The following FBXL7 variants were observed in gnomAD, a reference collection of about 807,000 sequenced individuals.
The protein encoded by FBXL7 is F-box/LRR-repeat protein 7.
Under a neutral mutation model 38.3 loss-of-function variants are expected in FBXL7, and 12 were observed. The observed-to-expected ratio is 0.31, with a 90% CI of 0.20 to 0.51. The LOEUF is 0.51. Among genes scored for constraint, FBXL7 ranks in the 20% least tolerant of loss-of-function variants. The probability of loss-of-function intolerance (pLI) is 0.98; values close to 1 mark genes in which losing one functional copy is unlikely to be tolerated. For missense variants in FBXL7, 567 were observed against 676.4 expected (o/e 0.84, Z 1.79); for synonymous variants, 297 against 300.9 (o/e 0.99, Z 0.13).
chr5:15,699,331 G>T (rs1340695001), intron 2 of FBXL7, among the ~76,000 whole-genome samples: 1 of 152,116 alleles, frequency 6.6e-6, no homozygotes, highest in Non-Finnish European at 1.5e-5. Flanking sequence ...TGAGACTGTG[G>T]GTAGCGACCT....
At chr5:15,664,306 A>G (rs1344549150) in intron 2 of FBXL7, among the ~76,000 whole-genome samples, 2 of 152,100 alleles carry the variant, frequency 1.3e-5, no homozygotes, top group Non-Finnish European at 2.9e-5. Context: ...TTTCACATAT[A>G]TTGTAAACTC....
intron 1 of FBXL7, among the ~76,000 whole-genome samples, chr5:15,524,454 C>T (rs968621673): frequency 1.3e-5 from 2 of 152,170 alleles, no homozygotes; most frequent in African/African-American, 4.8e-5. Context: ...ATTTTAATTT[C>T]CTTTTTCTCT....
chr5:15,611,284 G>T (rs183082708), intron 1 of FBXL7, among the ~76,000 whole-genome samples: 2 of 145,080 alleles, frequency 1.4e-5, no homozygotes, highest in Non-Finnish European at 3.0e-5. Flanking sequence ...TATGCACAGT[G>T]TTCTTTTTGG....
intron 1 of FBXL7, among the ~76,000 whole-genome samples, chr5:15,533,517 C>G (rs1052585626): frequency 6.6e-6 from 1 of 152,070 alleles, no homozygotes; most frequent in Non-Finnish European, 1.5e-5. Context: ...GATTCTGAGT[C>G]AGGATACTTT....
At chr5:15,913,074 G>C (rs6879193) in intron 2 of FBXL7, among the ~76,000 whole-genome samples, 32 of 151,890 alleles carry the variant, frequency 2.1e-4, no homozygotes, top group Non-Finnish European at 4.6e-4. Flanking sequence ...CTATATCCTT[G>C]GGTCACTGGT....
intron 1 of FBXL7, among the ~76,000 whole-genome samples, chr5:15,546,814 T>TG (rs1204189604): frequency 6.6e-6 from 1 of 152,188 alleles, no homozygotes; most frequent in Non-Finnish European, 1.5e-5. Flanking sequence ...ATATTTCTAT[T>TG]GGATAGATAC....
chr5:15,920,589 C>T (rs188019162), intron 2 of FBXL7, among the ~76,000 whole-genome samples: 31 of 152,082 alleles, frequency 2.0e-4, no homozygotes, highest in Non-Finnish European at 3.7e-4. Context: ...GGCTCAATCT[C>T]GGCTCACTGC....
chr5:15,778,924 C>T (rs940646709), intron 2 of FBXL7, among the ~76,000 whole-genome samples: 5 of 152,076 alleles, frequency 3.3e-5, no homozygotes, highest in Non-Finnish European at 7.4e-5. Flanking sequence ...AGATAAAAAA[C>T]GTGGTTTCTT....
chr5:15,818,457 C>T (rs189530652), intron 2 of FBXL7, among the ~76,000 whole-genome samples: 1 of 132,636 alleles, frequency 7.5e-6, no homozygotes, highest in East Asian at 2.3e-4. Flanking sequence ...CCAAATGAAT[C>T]CTTTCTTTTA....
At chr5:15,708,922 G>A (rs1743771597) in intron 2 of FBXL7, among the ~76,000 whole-genome samples, 1 of 152,210 alleles carries the variant, frequency 6.6e-6, no homozygotes, top group Non-Finnish European at 1.5e-5. Context: ...TTTTTGGCAA[G>A]GGATAAAGGT....
intron 2 of FBXL7, among the ~76,000 whole-genome samples, chr5:15,756,505 A>G (rs1402107656): frequency 2.0e-5 from 3 of 152,134 alleles, no homozygotes; most frequent in Non-Finnish European, 2.9e-5. Context: ...ATCTGTTCTC[A>G]TTAGTAACTA....
At chr5:15,525,336 T>C (rs1737221345) in intron 1 of FBXL7, among the ~76,000 whole-genome samples, 1 of 152,238 alleles carries the variant, frequency 6.6e-6, no homozygotes, top group Non-Finnish European at 1.5e-5. Flanking sequence ...CTGTTTCATA[T>C]AGTTATTAAT....
In FBXL7 at chr5:15,648,748, G is replaced by A. The variant is rs140468161; in HGVS notation, c.127+32676G>A. Among the ~76,000 whole-genome samples, 23 of 152,238 alleles carry A rather than the reference G, an allele frequency of 1.5e-4. No homozygotes were observed. The East Asian group carries it at 3.1e-3, about 20-fold the overall frequency. On this transcript the variant is annotated intron_variant, in intron 2 of 3. Transcript: ENST00000504595. ...GCCTCCCATCCTCTAGCCTTATGCCGTGTTGAAGACCTCAGTTGAACGATG... is the reference window on the plus strand; with the variant it reads ...GCCTCCCATCCTCTAGCCTTATGCCATGTTGAAGACCTCAGTTGAACGATG...
chr5:15,916,854 G>T (rs1741596990), intron 2 of FBXL7, among the ~76,000 whole-genome samples: 1 of 152,226 alleles, frequency 6.6e-6, no homozygotes, highest in Admixed American at 6.5e-5. Flanking sequence ...GAGTATTCCA[G>T]GGAATCCAGA....
chr5:15,634,514 G>C (rs542659948), intron 2 of FBXL7, among the ~76,000 whole-genome samples: 17 of 148,878 alleles, frequency 1.1e-4, no homozygotes, highest in Non-Finnish European at 1.5e-4. Context: ...TTGGGGGGGG[G>C]GTTTACCCTA....
At chr5:15,649,993 C>T (rs911557859) in intron 2 of FBXL7, among the ~76,000 whole-genome samples, 1 of 152,134 alleles carries the variant, frequency 6.6e-6, no homozygotes, top group African/African-American at 2.4e-5. Flanking sequence ...GTTTTTGTGG[C>T]TCTTTGATCA....
At chr5:15,676,740 G>A (rs1357678158) in intron 2 of FBXL7, among the ~76,000 whole-genome samples, 1 of 152,178 alleles carries the variant, frequency 6.6e-6, no homozygotes, top group Non-Finnish European at 1.5e-5. Flanking sequence ...TTCAGAGGGG[G>A]CTGGCCAAGG....
At chr5:15,502,573 C>T (rs554119501) in intron 1 of FBXL7, among the ~76,000 whole-genome samples, 2 of 152,296 alleles carry the variant, frequency 1.3e-5, no homozygotes, top group Admixed American at 1.3e-4. Flanking sequence ...TACAAGGTAA[C>T]TGTGAGTTTT....
At chr5:15,814,162 G>A (rs1737944104) in intron 2 of FBXL7, among the ~76,000 whole-genome samples, 1 of 152,184 alleles carries the variant, frequency 6.6e-6, no homozygotes, top group South Asian at 2.1e-4. Flanking sequence ...CAATAGCAAC[G>A]ACTTGGAACC....
Sources: gnomAD v4.1 joint callset for allele counts (sites outside exome capture counted in the v4.1 genomes callset) on GRCh38, gnomAD v4.1.1 for gene constraint, MANE v1.5 for transcripts, NCBI Gene and HGNC (gene_info 2026-07-23, HGNC 2026-07-21) for gene names.